Variants in DAB1 observed in about 807,000 individuals in gnomAD.
DAB1 encodes the protein disabled homolog 1.
A neutral mutation model predicts 64.6 loss-of-function variants in DAB1; 15 were observed. That is an observed-to-expected ratio of 0.23 (90% CI 0.16 to 0.36). The LOEUF is 0.36. Ranked by LOEUF, DAB1 falls within the 10% of genes least tolerant of loss-of-function variation. The pLI is 1.00. For missense variants in DAB1, 596 were observed against 706.7 expected, an observed-to-expected ratio of 0.84 and a Z score of 1.78; for synonymous variants, 235 against 251.9, an observed-to-expected ratio of 0.93 and a Z score of 0.64.
intron 3 of DAB1, among the ~76,000 whole-genome samples, chr1:58,466,324 T>C (rs1287534735): frequency 4.0e-5 from 6 of 150,472 alleles, no homozygotes; most frequent in Admixed American, 2.0e-4. Context: ...GTCTGCATCA[T>C]GGACTTGTGG....
chr1:57,866,255 C>T (rs919702709), intron 1 of DAB1: 2 of 152,308 alleles, frequency 1.3e-5, no homozygotes, highest in Admixed American at 1.3e-4. Context: ...TTGCACCAAC[C>T]TAATAGCAGC....
intron 1 of DAB1, among the ~76,000 whole-genome samples, chr1:57,370,605 GACAA>G (rs1030281141): frequency 3.3e-5 from 4 of 121,884 alleles, no homozygotes; most frequent in Non-Finnish European, 7.0e-5. Context: ...AGATTTAAAA[GACAA>G]ACAGAGAAAA....
chr1:57,865,092 C>T (rs953888951), intron 1 of DAB1: 4 of 152,102 alleles, frequency 2.6e-5, no homozygotes, highest in African/African-American at 9.7e-5. Context: ...CTTCTTTCAT[C>T]TTGTGGCTTG....
chr1:57,127,860 A>G (rs949943686), intron 4 of DAB1, among the ~76,000 whole-genome samples: 3 of 152,014 alleles, frequency 2.0e-5, no homozygotes, highest in Admixed American at 1.3e-4. Context: ...AAATAATACA[A>G]CTCCTGTCCG....
At chr1:57,590,224 G>A (rs1238699951) in intron 7 of DAB1, among the ~76,000 whole-genome samples, 1 of 152,074 alleles carries the variant, frequency 6.6e-6, no homozygotes, top group Non-Finnish European at 1.5e-5. Flanking sequence ...CCTGGTGTCT[G>A]TTCCATTTCT....
intron 11 of DAB1, among the ~76,000 whole-genome samples, chr1:57,017,610 G>A (rs1646475977): frequency 6.6e-6 from 1 of 152,208 alleles, no homozygotes; most frequent in South Asian, 2.1e-4. Context: ...GCACCAACAG[G>A]ACACCTGGGC....
chr1:57,509,676 A>G (rs1344702763), intron 7 of DAB1, among the ~76,000 whole-genome samples: 1 of 152,074 alleles, frequency 6.6e-6, no homozygotes, highest in East Asian at 1.9e-4. Flanking sequence ...AGCTGTGCCC[A>G]CTGCCTTTCC....
At chr1:57,810,368 G>A (rs1651562803) in intron 6 of DAB1, among the ~76,000 whole-genome samples, 1 of 152,138 alleles carries the variant, frequency 6.6e-6, no homozygotes, top group South Asian at 2.1e-4. Flanking sequence ...GGGGACACAG[G>A]AGCAATCTTG....
chr1:57,030,098 G>T (rs1048579086), intron 9 of DAB1, among the ~76,000 whole-genome samples: 5 of 152,174 alleles, frequency 3.3e-5, no homozygotes, highest in Non-Finnish European at 5.9e-5. Flanking sequence ...GACCCAGGGG[G>T]AGTTAATTCA....
intron 5 of DAB1, among the ~76,000 whole-genome samples, chr1:58,005,283 A>G (rs903621856): frequency 1.9e-4 from 29 of 151,986 alleles, no homozygotes; most frequent in Non-Finnish European, 3.5e-4. Context: ...GGGCTGGGGG[A>G]AAGAGGAGGC....
intron 4 of DAB1, among the ~76,000 whole-genome samples, chr1:58,325,266 G>A (rs1185354251): frequency 6.6e-6 from 1 of 152,206 alleles, no homozygotes; most frequent in Admixed American, 6.5e-5. Context: ...TGGGGGCTGT[G>A]TGCTCTTTGA....
At chr1:58,017,753 G>T (rs548213862) in intron 5 of DAB1, among the ~76,000 whole-genome samples, 1 of 152,328 alleles carries the variant, frequency 6.6e-6, no homozygotes, top group East Asian at 1.9e-4. Context: ...GCGGTGCTCA[G>T]TGAGTGGCAG....
At chr1:57,953,817 G>T (rs1376304577) in intron 5 of DAB1, among the ~76,000 whole-genome samples, 1 of 152,168 alleles carries the variant, frequency 6.6e-6, no homozygotes, top group Non-Finnish European at 1.5e-5. Flanking sequence ...CCTGTAATAA[G>T]GCCACATCCG....
chr1:57,649,254 C>T (rs1646228443), intron 7 of DAB1, among the ~76,000 whole-genome samples: 1 of 152,138 alleles, frequency 6.6e-6, no homozygotes, highest in South Asian at 2.1e-4. Flanking sequence ...TAACATAGTT[C>T]TGTTGAAAAT....
At chr1:58,047,458 A>C (rs1647312358) in intron 5 of DAB1, among the ~76,000 whole-genome samples, 2 of 152,228 alleles carry the variant, frequency 1.3e-5, no homozygotes, top group Admixed American at 6.5e-5. Flanking sequence ...GTGGATGTAC[A>C]GGTGAGTGGC....
chr1:57,740,046 C>A (rs77481621), intron 6 of DAB1, among the ~76,000 whole-genome samples: 33 of 103,096 alleles, frequency 3.2e-4, no homozygotes, highest in South Asian at 1.1e-3. Context: ...ACTACTACTA[C>A]AAAAAAAAAA....
At chr1:57,943,120 C>G (rs1460619530) in intron 5 of DAB1, among the ~76,000 whole-genome samples, 1 of 152,112 alleles carries the variant, frequency 6.6e-6, no homozygotes, top group East Asian at 1.9e-4. Context: ...ATAAAAGGCT[C>G]ATTAGGGACC....
At chr1:58,440,663 T>C (rs551328950) in intron 3 of DAB1, among the ~76,000 whole-genome samples, 16 of 152,370 alleles carry the variant, frequency 1.1e-4, no homozygotes, top group African/African-American at 3.8e-4. Flanking sequence ...GACACATAGC[T>C]AATATTTGTT....
chr1:57,237,781 C>T (rs1178586635), intron 2 of DAB1, among the ~76,000 whole-genome samples: 1 of 152,146 alleles, frequency 6.6e-6, no homozygotes, highest in Non-Finnish European at 1.5e-5. Context: ...GAGAGGTTTG[C>T]ACTTGAAAAC....
Sources: gnomAD v4.1 joint callset for allele counts (sites outside exome capture counted in the v4.1 genomes callset) on GRCh38, gnomAD v4.1.1 for gene constraint, MANE v1.5 for transcripts, NCBI Gene and HGNC (gene_info 2026-07-23, HGNC 2026-07-21) for gene names.